Variants in TRAK1 observed in about 807,000 individuals in gnomAD.
The protein encoded by TRAK1 is trafficking kinesin protein 1, also known as trafficking kinesin-binding protein 1.
Under a neutral mutation model 92.1 loss-of-function variants are expected in TRAK1, and 33 were observed. The observed-to-expected ratio is 0.36, with a 90% CI of 0.27 to 0.48. The LOEUF is 0.48. Among genes scored for constraint, TRAK1 ranks in the 20% least tolerant of loss-of-function variants. The probability of loss-of-function intolerance (pLI) is 0.99; values close to 1 mark genes in which losing one functional copy is unlikely to be tolerated. For synonymous variants in TRAK1, 521 were observed against 517.3 expected, an observed-to-expected ratio of 1.01 and a Z score of -0.10; for missense variants, 1,123 against 1,257.9, an observed-to-expected ratio of 0.89 and a Z score of 1.62.
At chr3:42,067,065 T>C (rs1185293230) in intron 1 of TRAK1, among the ~76,000 whole-genome samples, 1 of 152,220 alleles carries the variant, frequency 6.6e-6, no homozygotes, top group Non-Finnish European at 1.5e-5. Context: ...CTGATAAAAT[T>C]TGAGCTGTCG....
At chr3:42,133,125 G>A (rs941921055) in intron 2 of TRAK1, among the ~76,000 whole-genome samples, 1 of 152,196 alleles carries the variant, frequency 6.6e-6, no homozygotes, top group African/African-American at 2.4e-5. Context: ...GGACCCAGCA[G>A]CCTGGCTTGT....
chr3:42,021,086 A>G (rs866176874), intron 1 of TRAK1, among the ~76,000 whole-genome samples: 3 of 152,206 alleles, frequency 2.0e-5, no homozygotes, highest in Admixed American at 1.3e-4. Context: ...ACAAAAAACC[A>G]AACCTATGAT....
chr3:42,185,286 G>A (rs760604360), intron 4 of TRAK1, among the ~76,000 whole-genome samples: 5 of 152,316 alleles, frequency 3.3e-5, no homozygotes, highest in Non-Finnish European at 5.9e-5. Context: ...GGAAAGTGGT[G>A]ACTCACATTC....
chr3:42,076,114 G>T (rs1704143380), intron 1 of TRAK1, among the ~76,000 whole-genome samples: 1 of 151,796 alleles, frequency 6.6e-6, no homozygotes, highest in South Asian at 2.1e-4. Context: ...AAAGTGCTGG[G>T]ATTACAAGCA....
intron 3 of TRAK1, among the ~76,000 whole-genome samples, chr3:42,182,277 G>A (rs1237562655): frequency 6.6e-6 from 1 of 151,026 alleles, no homozygotes; most frequent in Non-Finnish European, 1.5e-5. Flanking sequence ...GTGGGAACGA[G>A]TTGGGGGATT....
At chr3:42,165,064 G>A (rs756119328) in intron 2 of TRAK1, among the ~76,000 whole-genome samples, 1 of 152,116 alleles carries the variant, frequency 6.6e-6, no homozygotes, top group Non-Finnish European at 1.5e-5. Context: ...TTACCCATTT[G>A]CAAAGTGAAT....
upstream of TRAK1, among the ~76,000 whole-genome samples, chr3:42,089,934 T>G (rs566502027): frequency 1.3e-5 from 2 of 152,322 alleles, no homozygotes; most frequent in East Asian, 3.9e-4. Context: ...ATTTGTGCAG[T>G]GAGTACTATT....
intron 2 of TRAK1, chr3:42,160,556 C>G (rs1701153962): frequency 1.7e-6 from 2 of 1,199,500 alleles, no homozygotes; most frequent in African/African-American, 1.6e-5. Flanking sequence ...TTTCATAGCA[C>G]TGTTTTGTTT....
intron 6 of TRAK1, among the ~76,000 whole-genome samples, chr3:42,190,498 TG>T (rs928749564): frequency 6.6e-5 from 10 of 152,180 alleles, no homozygotes; most frequent in African/African-American, 2.4e-4. Context: ...AGCCAGTTGC[TG>T]GGCAAGGCAA....
Position 42,091,424 on chromosome 3 carries a change from A to G in TRAK1, c.-46A>G, listed in dbSNP as rs1341680570. ...TACTGCCGGGGCTGAGCTCTCATGG[A>G]GGCTCTCTCTGTTCTCTGAAGTGCC... On this transcript the variant is annotated 5_prime_UTR_variant, in exon 1 of 16. Transcript: ENST00000327628. 6.3e-7 allele frequency: 1 copy of G among 1,577,444 alleles called. No homozygotes were observed. The highest frequency in any genetic ancestry group is 8.7e-7 in the Non-Finnish European group (1 of 1,151,118).
chr3:42,126,377 T>C (rs976317352), intron 2 of TRAK1, among the ~76,000 whole-genome samples: 3 of 152,116 alleles, frequency 2.0e-5, no homozygotes, highest in South Asian at 2.1e-4. Context: ...AGTCCAAATA[T>C]CACTGCAGCA....
At chr3:42,050,160 C>G (rs544364627) in intron 1 of TRAK1, among the ~76,000 whole-genome samples, 9 of 139,794 alleles carry the variant, frequency 6.4e-5, no homozygotes, top group Non-Finnish European at 9.1e-5. Flanking sequence ...CTTTGTCAGT[C>G]GAGTTGGGGA....
chr3:42,121,853 T>G (rs934587568), intron 1 of TRAK1, among the ~76,000 whole-genome samples: 4 of 152,142 alleles, frequency 2.6e-5, no homozygotes, highest in African/African-American at 9.7e-5. Flanking sequence ...AGTCTCGCTC[T>G]GTCGCCCAGG....
intron 1 of TRAK1, among the ~76,000 whole-genome samples, chr3:42,110,014 T>C (rs1708123698): frequency 6.9e-6 from 1 of 145,654 alleles, no homozygotes; most frequent in Non-Finnish European, 1.5e-5. Flanking sequence ...GATGAGTTAA[T>C]GGGTGCAGCA....
intron 1 of TRAK1, among the ~76,000 whole-genome samples, chr3:42,107,291 G>A (rs903659604): frequency 3.3e-5 from 5 of 152,140 alleles, no homozygotes; most frequent in South Asian, 4.1e-4. Context: ...CAAGGCGGGC[G>A]GATCATGAGG....
chr3:42,218,905 G>A (rs1184440837), intron 14 of TRAK1: 29 of 985,320 alleles, frequency 2.9e-5, no homozygotes, highest in Middle Eastern at 5.2e-4. Flanking sequence ...CTCTTGCCAC[G>A]TTGTTGCTGA....
At chr3:42,075,214 G>A (rs906372896) in intron 1 of TRAK1, among the ~76,000 whole-genome samples, 17 of 151,884 alleles carry the variant, frequency 1.1e-4, no homozygotes, top group African/African-American at 3.4e-4. Flanking sequence ...GGTGGCTCAC[G>A]CCTATAATCC....
chr3:42,182,418 G>A (rs1297736348), intron 3 of TRAK1, among the ~76,000 whole-genome samples: 3 of 151,748 alleles, frequency 2.0e-5, no homozygotes, highest in African/African-American at 7.3e-5. Flanking sequence ...TCAGCCTCCC[G>A]AGTCGCTGGG....
chr3:42,109,115 T>C (rs1003119864), intron 1 of TRAK1, among the ~76,000 whole-genome samples: 1 of 152,218 alleles, frequency 6.6e-6, no homozygotes, highest in African/African-American at 2.4e-5. Flanking sequence ...GGTATTCAAC[T>C]TCTCTGTGCT....
Sources: allele counts gnomAD v4.1 joint callset (sites outside exome capture counted in the v4.1 genomes callset), GRCh38; gene constraint gnomAD v4.1.1; transcripts MANE v1.5; gene names NCBI Gene and HGNC (gene_info 2026-07-23, HGNC 2026-07-21).